HOXA3: variants seen among roughly 807,000 people sequenced by gnomAD.
HOXA3 encodes homeobox A3.
A neutral mutation model predicts 30.3 loss-of-function variants in HOXA3; 8 were observed. That is an observed-to-expected ratio of 0.26 (90% CI 0.15 to 0.48). The LOEUF is 0.48. Ranked by LOEUF, HOXA3 falls within the 20% of genes least tolerant of loss-of-function variation. The probability of loss-of-function intolerance (pLI) is 0.99; values close to 1 mark genes in which losing one functional copy is unlikely to be tolerated. For missense variants in HOXA3, 653 were observed against 614.4 expected (o/e 1.06, Z -0.66); for synonymous variants, 323 against 273.1 (o/e 1.18, Z -1.80).
intron 4 of HOXA3, chr7:27,122,060 G>A (rs1474881907): frequency 6.6e-6 from 1 of 152,612 alleles, no homozygotes; most frequent in Non-Finnish European, 1.5e-5. Context: ...CATGCCGAAG[G>A]AAAGGCAAAA....
chr7:27,147,758 C>A (rs1782830130), intron 1 of HOXA3: 2 of 1,600,242 alleles, frequency 1.2e-6, no homozygotes, highest in Admixed American at 3.3e-5. Context: ...ATTTGCGCGC[C>A]CCTCTGCAGG....
intron 2 of HOXA3, among the ~76,000 whole-genome samples, chr7:27,127,917 C>G (rs1392121528): frequency 1.3e-5 from 2 of 152,130 alleles, no homozygotes; most frequent in African/African-American, 4.8e-5. Flanking sequence ...TTTGAAAGCT[C>G]TTTCTTCAAA....
At position 27,144,644 on chromosome 7, in the gene HOXA3, C is replaced by A. The variant is rs529270557; in HGVS notation, c.-493-4458G>T. 5.4e-3 allele frequency among the ~76,000 whole-genome samples: 824 copies of A among 152,272 alleles called. 8 individuals carry two copies. The highest frequency in any genetic ancestry group is 0.018 in the African/African-American group (766 of 41,560). On this transcript the variant is annotated intron_variant, in intron 1 of 5. Coordinates refer to ENST00000612286, the MANE Select transcript of HOXA3 (RefSeq NM_153631.3). ...CAGAGGCTGCCTGGGGTCTGGGGAT[C>A]CGTGGGGCGGGTTACTGGGGTCTTG...
At chr7:27,118,709 G>A (rs1784859341) in intron 4 of HOXA3, among the ~76,000 whole-genome samples, 1 of 152,264 alleles carries the variant, frequency 6.6e-6, no homozygotes, top group Non-Finnish European at 1.5e-5. Context: ...CCCACCCACG[G>A]ACAAGCTGGA....
chr7:27,110,865 A>G (rs1236466640), intron 4 of HOXA3, 105 bp from the exon 5 acceptor site: 5 of 587,968 alleles, frequency 8.5e-6, no homozygotes, highest in Non-Finnish European at 1.1e-5. Context: ...GGTCAGCAAT[A>G]TTTAGCAGCA....
Position 27,108,814 on chromosome 7 carries a change from A to G in HOXA3, c.527-94T>C. ...CCGGCCCCTCCTTCCACCAGGCCCCAAAGGTTCCTGCATCCGTCAGGTCCC... is the reference window on the plus strand; with the variant it reads ...CCGGCCCCTCCTTCCACCAGGCCCCGAAGGTTCCTGCATCCGTCAGGTCCC... On this transcript the variant is annotated intron_variant, in intron 5 of 5. Transcript: ENST00000612286. This position sits in a 1 kb window ranked among gnomAD's most constrained non-coding sequence, Gnocchi z 5.0. 1.1e-6 allele frequency: 1 copy of G among 918,944 alleles called. No individual in the cohort carries two copies. The allele number at this position is 918,944 out of a possible 1,614,324, so 56.9% of individuals were successfully genotyped here.
intron 1 of HOXA3, chr7:27,143,659 T>G: frequency 6.5e-7 from 1 of 1,542,172 alleles, no homozygotes; most frequent in Non-Finnish European, 8.7e-7. Context: ...TTTGTGCGTC[T>G]ATAGCACCCT....
In HOXA3 at chr7:27,110,320, G is replaced by C. The variant is rs1438047631; in HGVS notation, c.321C>G (p.Pro107=). ...AAPPAPQPPQ[P]APQPPAPTPA... ...GGGTAGGTGCAGGGGGCTGAGGTGC[G>C]GGCTGAGGCGGCTGTGGGGCAGGGG... Residue 107 remains proline, a synonymous_variant, in exon 5 of 6, where the codon CCC becomes CCG. Transcript: ENST00000612286. The C allele has an allele frequency of 9.2e-6, 14 of 1,525,290 alleles. No individual in the cohort carries two copies. Among genetic ancestry groups the C allele is most frequent in the Non-Finnish European group, 1.1e-5 (13 of 1,138,554 alleles). 94.5% of individuals were successfully genotyped at this position (1,525,290 alleles called of 1,614,324 possible). A position where few individuals can be genotyped will look rare whatever the true frequency, so the allele number is the denominator to read the frequency against.
At chr7:27,118,722 C>T (rs965358162) in intron 4 of HOXA3, among the ~76,000 whole-genome samples, 6 of 152,376 alleles carry the variant, frequency 3.9e-5, no homozygotes, top group African/African-American at 1.4e-4. Flanking sequence ...AAGCTGGATC[C>T]TGCACACCCA....
At chr7:27,145,828 G>A (rs756845392) in intron 1 of HOXA3, 4 of 1,614,242 alleles carry the variant, frequency 2.5e-6, no homozygotes, top group East Asian at 4.5e-5. Context: ...GTCAGGTAGC[G>A]GTTGAAGTGG....
Position 27,129,674 on chromosome 7 carries a change from T to A in HOXA3, c.-389-2604A>T, listed in dbSNP as rs1380828952. The A allele has an allele frequency of 5.6e-6, 7 of 1,242,920 alleles. No homozygotes were observed. In the Admixed American group the frequency reaches 1.3e-4, roughly 24 times the overall value. The allele number at this position is 1,242,920 out of a possible 1,614,324, so 77.0% of individuals were successfully genotyped here. On this transcript the variant is annotated intron_variant, in intron 2 of 5. Coordinates refer to ENST00000612286, the MANE Select transcript of HOXA3 (RefSeq NM_153631.3). ...TGGGGTGGGGAAGAGCAATTGGACA[T>A]CATCATTATATAATAACCTGACACC... is the stretch of plus-strand genomic sequence containing the variant.
At chr7:27,136,859 T>C (rs1471461538) in intron 2 of HOXA3, among the ~76,000 whole-genome samples, 2 of 152,174 alleles carry the variant, frequency 1.3e-5, no homozygotes, top group Non-Finnish European at 2.9e-5. Context: ...TTAGAATGGC[T>C]GGGGCTGTGG....
At position 27,152,416 on chromosome 7, in the gene HOXA3, C is replaced by A. The variant is rs1000474917; in HGVS notation, c.-622G>T. The A allele has an allele frequency of 5.0e-5, 58 of 1,156,380 alleles. No individual in the cohort carries two copies. Among genetic ancestry groups the A allele is most frequent in the Non-Finnish European group, 6.3e-5 (58 of 923,262 alleles). The allele number at this position is 1,156,380 out of a possible 1,614,324, so 71.6% of individuals were successfully genotyped here. On this transcript the variant is annotated 5_prime_UTR_variant, in exon 1 of 6. Transcript: ENST00000612286. ...ATTAGCCAGGTTGCGAGTTGCAAAG[C>A]TGCTGCCGCGGCGCCGGGAACGGAG...
chr7:27,115,101 C>A (rs1394232782), intron 4 of HOXA3, among the ~76,000 whole-genome samples: 2 of 150,010 alleles, frequency 1.3e-5, no homozygotes, highest in African/African-American at 4.9e-5. Context: ...AAGGCGTCAA[C>A]GGCGGGTCCT....
Position 27,129,518 on chromosome 7 carries a change from G to A in HOXA3, c.-389-2448C>T, listed in dbSNP as rs774662092. The A allele has an allele frequency of 2.4e-5, 38 of 1,613,982 alleles. No individual in the cohort carries two copies. The highest frequency in any genetic ancestry group is 1.7e-4 in the Admixed American group (10 of 60,004). ...TTCTCCAGCTCCAAGACCTGCTGCCGGGTGTAGGCGGTTCGAGAGCGCTTA... is the reference window on the plus strand; with the variant it reads ...TTCTCCAGCTCCAAGACCTGCTGCCAGGTGTAGGCGGTTCGAGAGCGCTTA... On this transcript the variant is annotated intron_variant, in intron 2 of 5. Coordinates refer to ENST00000612286, the MANE Select transcript of HOXA3 (RefSeq NM_153631.3).
Position 27,113,140 on chromosome 7 carries a change from G to A in HOXA3, c.-120-2380C>T, listed in dbSNP as rs924552617. On this transcript the variant is annotated intron_variant, in intron 4 of 5. Coordinates refer to ENST00000612286, the MANE Select transcript of HOXA3 (RefSeq NM_153631.3). This position sits in a 1 kb window ranked among gnomAD's most constrained non-coding sequence, Gnocchi z 4.8. ...GTACCGCCAAGCAAGGGCTGGGGAT[G>A]AGGGGAGATTCCTCCACAAAGATCT... is the stretch of plus-strand genomic sequence containing the variant. Among the ~76,000 whole-genome samples the A allele has an allele frequency of 2.0e-5, 3 of 152,156 alleles. No homozygotes were observed. The East Asian group carries it at 5.8e-4, about 29-fold the overall frequency.
intron 5 of HOXA3, among the ~76,000 whole-genome samples, chr7:27,109,385 G>GC (rs969196448): frequency 2.0e-5 from 3 of 152,228 alleles, no homozygotes; most frequent in Middle Eastern, 3.4e-3. Flanking sequence ...GTCTTCCCTG[G>GC]CCCCCCAGAT....
At chr7:27,110,840 C>A in intron 4 of HOXA3, 80 bp from the exon 5 acceptor site, 1 of 714,240 alleles carries the variant, frequency 1.4e-6, no homozygotes. Context: ...ACATGAAAGC[C>A]ATAAAAGAAA....
Position 27,108,554 on chromosome 7 carries a change from A to G in HOXA3, c.693T>C (p.Thr231=). Reference sequence around the variant, plus strand: ...GGAACCAGATCTTGATCTGGCGCTCAGTGAGGTTCAGCAGATTGGCCATCT... The same window carrying G: ...GGAACCAGATCTTGATCTGGCGCTCGGTGAGGTTCAGCAGATTGGCCATCT... ...RVEMANLLNL[T]ERQIKIWFQN... is the part of the protein sequence containing the mutation. The change falls in exon 6 of 6, where the codon ACT becomes ACC. Residue 231 remains threonine (T), a synonymous_variant. Transcript: ENST00000612286. The surrounding 1 kb of genome is among the most constrained non-coding windows in gnomAD (Gnocchi z 5.0). 1 of 1,614,082 alleles carries G rather than the reference A, an allele frequency of 6.2e-7. No individual in the cohort carries two copies. Among genetic ancestry groups the G allele is most frequent in the Non-Finnish European group, 8.5e-7 (1 of 1,179,990 alleles).
Sources: gnomAD v4.1 joint callset for allele counts (sites outside exome capture counted in the v4.1 genomes callset) on GRCh38, gnomAD v4.1.1 for gene constraint, Gnocchi (gnomAD v3.1) non-coding constraint, MANE v1.5 for transcripts, NCBI Gene and HGNC (gene_info 2026-07-23, HGNC 2026-07-21) for gene names.